JPH2: variants seen among roughly 807,000 people sequenced by gnomAD.
JPH2 encodes the protein junctophilin-2.
In JPH2, 38 loss-of-function variants were observed where a neutral mutation model predicts 55.9. The ratio of observed to expected loss-of-function variants is 0.68; its 90% confidence interval spans 0.52 to 0.89. The LOEUF (loss-of-function observed/expected upper bound fraction) is 0.89, where lower values mean the gene tolerates loss of function less well. JPH2 is among the 40% of genes least tolerant of loss of function. The probability of loss-of-function intolerance (pLI) is 0.00; values close to 1 mark genes in which losing one functional copy is unlikely to be tolerated. For synonymous variants in JPH2, 480 were observed against 472.4 expected (o/e 1.02, Z -0.21); for missense variants, 964 against 1,037.6 (o/e 0.93, Z 0.97).
chr20:44,143,705 T>C (rs74489619), intron 2 of JPH2, among the ~76,000 whole-genome samples: 1 of 152,324 alleles, frequency 6.6e-6, no homozygotes, highest in Non-Finnish European at 1.5e-5. Context: ...TGTCTCAGGC[T>C]CTGCTTTTGC....
rs1165983913 is a variant in JPH2 at position 44,186,390 on chromosome 20, A to G, written c.316T>C (p.Tyr106His). The G allele has an allele frequency of 5.0e-6, 8 of 1,612,892 alleles. No individual in the cohort carries two copies. Among genetic ancestry groups the G allele is most frequent in the Non-Finnish European group, 6.8e-6 (8 of 1,179,774 alleles). The change falls in exon 1 of 6, where the codon TAT (tyrosine) becomes CAT (histidine). Residue 106 changes from tyrosine to histidine, a missense_variant. By Grantham distance (83) the Tyr-to-His change is moderately conservative (BLOSUM62 2). Transcript: ENST00000372980. ...AGGCCATTGTTCCAGGTGCCCTCAT[A>G]CTTGGCACCGCTGCTTGAGCTCTGC... ...IRQSSSSGAK[Y>H]EGTWNNGLQD...
intron 2 of JPH2, among the ~76,000 whole-genome samples, chr20:44,152,955 C>T (rs1380587331): frequency 6.6e-6 from 1 of 152,182 alleles, no homozygotes; most frequent in African/African-American, 2.4e-5. Flanking sequence ...ATATTGATTT[C>T]GCATTTTCAA....
intron 1 of JPH2, chr20:44,176,874 C>T: frequency 3.0e-6 from 3 of 985,282 alleles, no homozygotes; most frequent in Non-Finnish European, 3.6e-6. Context: ...ATGGTACATG[C>T]CATCCAGAGT....
At chr20:44,150,347 G>T (rs896600813) in intron 2 of JPH2, among the ~76,000 whole-genome samples, 1 of 152,206 alleles carries the variant, frequency 6.6e-6, no homozygotes, top group Non-Finnish European at 1.5e-5. Flanking sequence ...GTATAAAATT[G>T]TACACTGAAA....
rs113186195 is a variant in JPH2, at chr20:44,184,851, T to C, written c.379+1476A>G. Among the ~76,000 whole-genome samples the C allele has an allele frequency of 1.8e-4, 28 of 152,356 alleles. No homozygotes were observed. The East Asian group carries it at 2.9e-3, about 16-fold the overall frequency. The stretch of plus-strand genomic sequence containing the variant: ...CCATTTAAAGTATTTCCTGACCTCC[T>C]CAAATCTAAATTCTCCTTTCTGCAA... On this transcript the variant is annotated intron_variant, in intron 1 of 5. Transcript: ENST00000372980.
rs1024941048 is a variant in JPH2 at position 44,110,164 on chromosome 20, C to T, written c.*3354G>A. ...GGCTCAGGAAGCCGCCTCCTTTGCA[C>T]ACCATCCAAAGTGAGTTCAATACAG... On this transcript the variant is annotated 3_prime_UTR_variant, in exon 6 of 6. Coordinates refer to ENST00000372980, the MANE Select transcript of JPH2 (RefSeq NM_020433.5). Among the ~76,000 whole-genome samples, 2 of 152,214 alleles carry T rather than the reference C, an allele frequency of 1.3e-5. No homozygotes were observed. Among genetic ancestry groups the T allele is most frequent in the East Asian group, 1.9e-4 (1 of 5,172 alleles).
At chr20:44,176,457 T>C (rs1235521992) in intron 1 of JPH2, among the ~76,000 whole-genome samples, 4 of 151,544 alleles carry the variant, frequency 2.6e-5, no homozygotes, top group African/African-American at 9.7e-5. Flanking sequence ...CAAGGGTACA[T>C]ACTGTAGGTT....
At chr20:44,114,991 A>T (rs1248914980) in intron 4 of JPH2, 115 bp from the exon 5 acceptor site, 9 of 791,796 alleles carry the variant, frequency 1.1e-5, no homozygotes, top group Non-Finnish European at 1.7e-5. Context: ...TCCTAAGAGC[A>T]TTGCCGGCTT....
intron 1 of JPH2, among the ~76,000 whole-genome samples, chr20:44,181,134 C>G (rs1229446842): frequency 1.3e-5 from 2 of 152,084 alleles, no homozygotes; most frequent in Non-Finnish European, 2.9e-5. Context: ...CATGCGAGAG[C>G]TGGAGAGCTT....
At chr20:44,169,190 T>C (rs2072678934) in intron 1 of JPH2, among the ~76,000 whole-genome samples, 1 of 95,928 alleles carries the variant, frequency 1.0e-5, no homozygotes, top group Admixed American at 1.1e-4. Flanking sequence ...TTTTTTTTTT[T>C]TTTTGAGATA....
chr20:44,134,957 T>C (rs1296124297), intron 2 of JPH2, among the ~76,000 whole-genome samples: 2 of 136,412 alleles, frequency 1.5e-5, no homozygotes, highest in African/African-American at 5.6e-5. Context: ...CTGTGCCAGG[T>C]GGCTAACCAT....
chr20:44,182,123 A>G (rs2072788934), intron 1 of JPH2, among the ~76,000 whole-genome samples: 1 of 152,170 alleles, frequency 6.6e-6, no homozygotes, highest in Non-Finnish European at 1.5e-5. Context: ...GTGAGTTTAA[A>G]TAATGTGGCA....
chr20:44,107,940 G>A lies in JPH2; in HGVS notation c.*5578C>T, dbSNP rs1569175637. The stretch of plus-strand genomic sequence containing the variant: ...TGGGCTCCTGGGACCACAACTCACA[G>A]CTTATGCTAACCAGATGGCTTATAG... On this transcript the variant is annotated 3_prime_UTR_variant, in exon 6 of 6. Transcript: ENST00000372980. 6.6e-6 allele frequency among the ~76,000 whole-genome samples: 1 copy of A among 152,232 alleles called. No homozygotes were observed. Among genetic ancestry groups the A allele is most frequent in the Non-Finnish European group, 1.5e-5 (1 of 68,046 alleles).
At position 44,187,155 on chromosome 20, in the gene JPH2, C is replaced by T. The variant is rs2235808; in HGVS notation, c.-450G>A. 1 of 190,336 alleles carries T rather than the reference C, an allele frequency of 5.3e-6. No homozygotes were observed. The highest frequency in any genetic ancestry group is 1.1e-5 in the Non-Finnish European group (1 of 92,192). 11.8% of individuals were successfully genotyped at this position (190,336 alleles called of 1,614,324 possible). A position where few individuals can be genotyped will look rare whatever the true frequency, so the allele number is the denominator to read the frequency against. ...GCTGAATTCCCGCAGCCCGCTGGCC[C>T]CCTTCTCCACCCCAGTGGGTGTGCG... is the stretch of plus-strand genomic sequence containing the variant. On this transcript the variant is annotated 5_prime_UTR_variant, in exon 1 of 6. Transcript: ENST00000372980.
At chr20:44,157,323 G>C (rs1337198290) in intron 2 of JPH2, among the ~76,000 whole-genome samples, 2 of 152,140 alleles carry the variant, frequency 1.3e-5, no homozygotes, top group African/African-American at 4.8e-5. Flanking sequence ...AATGAGGAGA[G>C]TATAAAAGAT....
chr20:44,130,653 C>T (rs2072311126), intron 2 of JPH2, among the ~76,000 whole-genome samples: 1 of 152,240 alleles, frequency 6.6e-6, no homozygotes, highest in Non-Finnish European at 1.5e-5. Flanking sequence ...CACTCCAAAA[C>T]CACACGGGGA....
chr20:44,145,195 G>A (rs995567977), intron 2 of JPH2, among the ~76,000 whole-genome samples: 18 of 151,956 alleles, frequency 1.2e-4, no homozygotes, highest in African/African-American at 4.4e-4. Flanking sequence ...CCAGGAGCAG[G>A]GCCAGGCACT....
intron 2 of JPH2, among the ~76,000 whole-genome samples, chr20:44,137,194 G>A (rs1458987305): frequency 1.3e-5 from 2 of 152,156 alleles, no homozygotes; most frequent in African/African-American, 4.8e-5. Context: ...CCTGGGGCTC[G>A]CCTGCCCAGG....
At chr20:44,138,374 G>C (rs1165108139) in intron 2 of JPH2, among the ~76,000 whole-genome samples, 1 of 149,746 alleles carries the variant, frequency 6.7e-6, no homozygotes, top group Non-Finnish European at 1.5e-5. Flanking sequence ...AAGCAGCCTT[G>C]AGTCTGAGTT....
Sources: allele counts gnomAD v4.1 joint callset (sites outside exome capture counted in the v4.1 genomes callset), GRCh38; gene constraint gnomAD v4.1.1; transcripts MANE v1.5; gene names NCBI Gene and HGNC (gene_info 2026-07-23, HGNC 2026-07-21).